ADGRL2: variants seen among roughly 807,000 people sequenced by gnomAD.
ADGRL2 encodes the protein calcium-independent alpha-latrotoxin receptor 2.
Under a neutral mutation model 157.4 loss-of-function variants are expected in ADGRL2, and 44 were observed. The ratio of observed to expected loss-of-function variants is 0.28; its 90% CI spans 0.22 to 0.36. The LOEUF (loss-of-function observed/expected upper bound fraction) is 0.36, where lower values mean the gene tolerates loss of function less well. Ranked by LOEUF, ADGRL2 falls within the 10% of genes least tolerant of loss-of-function variation. The probability of loss-of-function intolerance (pLI) is 1.00; values close to 1 mark genes in which losing one functional copy is unlikely to be tolerated. For missense variants in ADGRL2, 1,510 were observed against 1,768.9 expected (o/e 0.85, Z 2.63); for synonymous variants, 585 against 624.7 (o/e 0.94, Z 0.95).
intron 11 of ADGRL2, among the ~76,000 whole-genome samples, chr1:81,956,303 A>G (rs1653493131): frequency 6.6e-6 from 1 of 152,216 alleles, no homozygotes; most frequent in African/African-American, 2.4e-5. Flanking sequence ...AAAATCATTA[A>G]CAAAAAAGTG....
At chr1:81,307,992 T>A (rs1049121126) in intron 1 of ADGRL2, among the ~76,000 whole-genome samples, 5 of 152,142 alleles carry the variant, frequency 3.3e-5, no homozygotes, top group Non-Finnish European at 5.9e-5. Context: ...GCACGTAGAA[T>A]TTAACAGATA....
At chr1:81,370,539 C>T (rs1269243739) in intron 1 of ADGRL2, among the ~76,000 whole-genome samples, 3 of 151,984 alleles carry the variant, frequency 2.0e-5, no homozygotes, top group African/African-American at 2.4e-5. Context: ...AAATTATACC[C>T]ACAACATACT....
chr1:81,940,260 C>T (rs1647385794), intron 4 of ADGRL2, among the ~76,000 whole-genome samples: 1 of 151,408 alleles, frequency 6.6e-6, no homozygotes, highest in South Asian at 2.1e-4. Context: ...GGGAAAAAAG[C>T]ATACAGCTGT....
intron 3 of ADGRL2, among the ~76,000 whole-genome samples, chr1:81,650,164 T>G (rs748077309): frequency 2.0e-5 from 3 of 152,178 alleles, no homozygotes; most frequent in Non-Finnish European, 4.4e-5. Context: ...GGACCCTTTC[T>G]GTCTTGTTCT....
intron 3 of ADGRL2, among the ~76,000 whole-genome samples, chr1:81,672,520 T>C (rs2082896994): frequency 6.6e-6 from 1 of 152,324 alleles, no homozygotes; most frequent in East Asian, 1.9e-4. Context: ...TTGAGAGAAA[T>C]TCAGCTACAT....
At chr1:81,474,021 G>A (rs2078224469) in intron 2 of ADGRL2, among the ~76,000 whole-genome samples, 1 of 152,126 alleles carries the variant, frequency 6.6e-6, no homozygotes, top group Non-Finnish European at 1.5e-5. Flanking sequence ...ATGAGGAGAA[G>A]AAGAGGGAGA....
At chr1:81,486,260 A>G (rs144832869) in intron 2 of ADGRL2, among the ~76,000 whole-genome samples, 30 of 152,274 alleles carry the variant, frequency 2.0e-4, no homozygotes, top group Middle Eastern at 6.8e-3. Context: ...TTCTGTTTAC[A>G]AGACCGATAT....
chr1:81,708,437 G>A (rs2083813444), intron 1 of ADGRL2, among the ~76,000 whole-genome samples: 1 of 152,070 alleles, frequency 6.6e-6, no homozygotes. Flanking sequence ...TGCCAGAACA[G>A]CATGACTGTC....
chr1:81,372,449 T>A (rs191268548), intron 1 of ADGRL2, among the ~76,000 whole-genome samples: 1 of 152,346 alleles, frequency 6.6e-6, no homozygotes, highest in Non-Finnish European at 1.5e-5. Context: ...TTCTCATTTG[T>A]ACCCTCATGC....
In ADGRL2 at chr1:81,844,870, A is replaced by G. The variant is rs182243597; in HGVS notation, c.73+7813A>G. Among the ~76,000 whole-genome samples the G allele has an allele frequency of 3.7e-4, 57 of 152,260 alleles. 1 individual carries two copies. The highest frequency in any genetic ancestry group is 1.3e-3 in the African/African-American group (55 of 41,572). On this transcript the variant is annotated intron_variant, in intron 2 of 23. Transcript: ENST00000686636. ...CCTGAGTTTGACTTTTATGTCTGCC[A>G]TAATTCTTGCTTTGAGGGCTTATTT... is the stretch of plus-strand genomic sequence containing the variant.
intron 2 of ADGRL2, among the ~76,000 whole-genome samples, chr1:81,769,045 T>G (rs116230296): frequency 6.6e-6 from 1 of 152,062 alleles, no homozygotes; most frequent in Non-Finnish European, 1.5e-5. Flanking sequence ...ATCGCGGCAC[T>G]GCACTGCAGT....
chr1:81,920,249 AG>A (rs1418778596), intron 3 of ADGRL2, among the ~76,000 whole-genome samples: 2 of 152,206 alleles, frequency 1.3e-5, no homozygotes, highest in Non-Finnish European at 2.9e-5. Flanking sequence ...CTTAGTAAAC[AG>A]GATTGACATG....
chr1:81,948,830 GA>G (rs1490128820), intron 6 of ADGRL2, among the ~76,000 whole-genome samples: 3 of 152,152 alleles, frequency 2.0e-5, no homozygotes, highest in African/African-American at 4.8e-5. Flanking sequence ...TCTTGAGGTA[GA>G]GGGGGGGAAA....
intron 2 of ADGRL2, among the ~76,000 whole-genome samples, chr1:81,573,998 G>A (rs767123826): frequency 1.1e-4 from 17 of 152,236 alleles, no homozygotes; most frequent in Middle Eastern, 3.4e-3. Flanking sequence ...TTCCTGGGGC[G>A]TCTGCTTCAT....
At chr1:81,595,907 A>G (rs568149656) in intron 3 of ADGRL2, among the ~76,000 whole-genome samples, 9 of 152,252 alleles carry the variant, frequency 5.9e-5, no homozygotes, top group Admixed American at 5.9e-4. Context: ...CAGCAGATTC[A>G]GCATCTGTTG....
intron 3 of ADGRL2, among the ~76,000 whole-genome samples, chr1:81,595,985 GCT>G (rs2148610651): frequency 6.6e-6 from 1 of 152,232 alleles, no homozygotes; most frequent in African/African-American, 2.4e-5. Context: ...GGGTGAGGGA[GCT>G]CTCTGCGGCC....
At chr1:81,415,259 G>A (rs1311340024) in intron 1 of ADGRL2, among the ~76,000 whole-genome samples, 1 of 152,142 alleles carries the variant, frequency 6.6e-6, no homozygotes, top group Non-Finnish European at 1.5e-5. Flanking sequence ...GTAGTATCAC[G>A]GAAGAATTTT....
intron 2 of ADGRL2, among the ~76,000 whole-genome samples, chr1:81,467,936 T>C (rs1000370364): frequency 3.9e-5 from 6 of 152,306 alleles, no homozygotes; most frequent in Non-Finnish European, 8.8e-5. Context: ...AAAAATAATA[T>C]GGATAGGAAC....
intron 2 of ADGRL2, chr1:81,580,739 G>T (rs1369453652): frequency 9.9e-5 from 15 of 152,272 alleles, no homozygotes; most frequent in Non-Finnish European, 1.2e-4. Context: ...TCTTGACAAT[G>T]AGTCGGTTTA....
Sources: gnomAD v4.1 joint callset for allele counts (sites outside exome capture counted in the v4.1 genomes callset) on GRCh38, gnomAD v4.1.1 for gene constraint, MANE v1.5 for transcripts, NCBI Gene and HGNC (gene_info 2026-07-23, HGNC 2026-07-21) for gene names.